Variants in RMDN1 observed in about 807,000 individuals in gnomAD.
The protein encoded by RMDN1 is regulator of microtubule dynamics protein 1.
Under a neutral mutation model 48.9 loss-of-function variants are expected in RMDN1, and 48 were observed. That is an observed-to-expected ratio of 0.98 (90% CI 0.78 to 1.25). RMDN1 has a LOEUF of 1.25. Among genes scored for constraint, RMDN1 ranks in the 50% most tolerant of loss-of-function variants. The probability of loss-of-function intolerance (pLI) is 0.00; values close to 1 mark genes in which losing one functional copy is unlikely to be tolerated. For synonymous variants in RMDN1, 148 were observed against 132.6 expected (o/e 1.12, Z -0.80); for missense variants, 418 against 373.4 (o/e 1.12, Z -0.98).
intron 8 of RMDN1, among the ~76,000 whole-genome samples, chr8:86,475,741 C>T (rs775869275): frequency 1.3e-5 from 2 of 152,180 alleles, no homozygotes; most frequent in Non-Finnish European, 2.9e-5. Context: ...TAATGATTAA[C>T]TCCATTTGCT....
upstream of RMDN1, among the ~76,000 whole-genome samples, chr8:86,513,056 G>GTTT (rs567725662): frequency 7.1e-6 from 1 of 141,238 alleles, no homozygotes; most frequent in African/African-American, 2.6e-5. Flanking sequence ...TCTATTGGGT[G>GTTT]TTTTTTTTTT....
intron 9 of RMDN1, 55 bp from the exon 10 acceptor site, chr8:86,474,413 G>C (rs1813018854): frequency 2.8e-6 from 4 of 1,420,016 alleles, no homozygotes; most frequent in African/African-American, 1.4e-5. Flanking sequence ...AGACTAACTT[G>C]TGAAATTTAA....
chr8:86,480,832 AGTC>A (rs149971795), intron 5 of RMDN1, among the ~76,000 whole-genome samples: 22,530 of 152,000 alleles, frequency 0.15, 1,801 homozygotes, highest in Non-Finnish European at 0.19. Flanking sequence ...ATTTTTAGAA[AGTC>A]TTCTTGTATG....
chr8:86,484,262 T>C (rs780042147), intron 5 of RMDN1, among the ~76,000 whole-genome samples: 7 of 152,028 alleles, frequency 4.6e-5, no homozygotes, highest in Non-Finnish European at 1.0e-4. Flanking sequence ...AACTAAGTGA[T>C]AAAAAAACAA....
chr8:86,508,859 T>C (rs1819875748), upstream of RMDN1: 1 of 1,175,706 alleles, frequency 8.5e-7, no homozygotes, highest in Non-Finnish European at 1.1e-6. Context: ...CGTCCAGGAC[T>C]GAGGCCGTGA....
At chr8:86,504,843 G>A (rs1238814022) in intron 2 of RMDN1, 2 of 1,070,770 alleles carry the variant, frequency 1.9e-6, no homozygotes, top group Non-Finnish European at 2.9e-6. Flanking sequence ...CTTCCCCTCT[G>A]CTGCTTATTA....
At chr8:86,482,404 C>CA (rs1245974254) in intron 5 of RMDN1, 26 of 411,198 alleles carry the variant, frequency 6.3e-5, no homozygotes, top group South Asian at 8.6e-5. Context: ...CTGTCTCAAA[C>CA]AAAAAAAAGA....
intron 2 of RMDN1, among the ~76,000 whole-genome samples, chr8:86,491,510 T>C (rs765475256): frequency 1.3e-5 from 2 of 152,148 alleles, no homozygotes; most frequent in Non-Finnish European, 2.9e-5. Flanking sequence ...ACTCCACATA[T>C]CCGCAAATCA....
At chr8:86,490,091 T>A (rs1402002637) in intron 2 of RMDN1, among the ~76,000 whole-genome samples, 1 of 152,122 alleles carries the variant, frequency 6.6e-6, no homozygotes, top group Non-Finnish European at 1.5e-5. Flanking sequence ...TTTTTCAAAT[T>A]TTGCTTCCAC....
intron 5 of RMDN1, among the ~76,000 whole-genome samples, chr8:86,483,823 T>C (rs1243897154): frequency 2.0e-5 from 3 of 146,670 alleles, no homozygotes; most frequent in African/African-American, 5.2e-5. Context: ...ATTTTTGTGG[T>C]AGTTTTTTTT....
chr8:86,484,392 T>A (rs1374784560), intron 5 of RMDN1, among the ~76,000 whole-genome samples: 1 of 152,180 alleles, frequency 6.6e-6, no homozygotes, highest in African/African-American at 2.4e-5. Context: ...GAAGTGCCAC[T>A]GCGCTCAGTT....
rs1554594088 is a variant in RMDN1, at chr8:86,503,385, A to AAAAAAAACAAAAC, written c.247+3609_247+3610insGTTTTGTTTTTTT. On this transcript the variant is annotated intron_variant, in intron 2 of 9. Transcript: ENST00000406452. ...ACAAAACAAAACAAAAAAAAAAAAA[A>AAAAAAAACAAAAC]AAAACAAAAAAAAATAACAAAAATA... Among the ~76,000 whole-genome samples, 281 of 80,522 alleles carry AAAAAAAACAAAAC rather than the reference A, an allele frequency of 3.5e-3. 2 individuals are homozygous for AAAAAAAACAAAAC. The highest frequency in any genetic ancestry group is 6.6e-3 in the South Asian group (18 of 2,722). 52.8% of individuals were successfully genotyped at this position (80,522 alleles called of 152,430 possible).
At chr8:86,471,782 TA>T (rs1184784870), downstream of RMDN1, among the ~76,000 whole-genome samples, 2 of 152,166 alleles carry the variant, frequency 1.3e-5, no homozygotes, top group East Asian at 3.9e-4. Flanking sequence ...GTCCTGGAAA[TA>T]AGTTGGAACA....
At chr8:86,490,229 A>G (rs1816269137) in intron 2 of RMDN1, among the ~76,000 whole-genome samples, 1 of 152,200 alleles carries the variant, frequency 6.6e-6, no homozygotes. Flanking sequence ...GCCCCCAAAG[A>G]TGCCCCAATC....
At chr8:86,487,671 A>G (rs542473113) in intron 3 of RMDN1, among the ~76,000 whole-genome samples, 143 of 151,108 alleles carry the variant, frequency 9.5e-4, no homozygotes, top group Non-Finnish European at 1.7e-3. Context: ...TTTTTAACAT[A>G]AAAAAAAATT....
intron 2 of RMDN1, among the ~76,000 whole-genome samples, chr8:86,503,377 A>C (rs12549985): frequency 0.34 from 38,644 of 113,366 alleles, 6,736 homozygotes; most frequent in East Asian, 0.53. Context: ...AAAACAAAAA[A>C]AAAAAAAAAA....
chr8:86,468,990 G>A (rs902075945), downstream of RMDN1, among the ~76,000 whole-genome samples: 2 of 152,096 alleles, frequency 1.3e-5, no homozygotes, highest in African/African-American at 4.8e-5. Flanking sequence ...CTCAGAGACA[G>A]GTTTATATTG....
At chr8:86,504,981 G>C in intron 2 of RMDN1, 1 of 1,444,068 alleles carries the variant, frequency 6.9e-7, no homozygotes, top group Non-Finnish European at 9.6e-7. Flanking sequence ...TAAAAGGCAG[G>C]CACATGGTGC....
intron 2 of RMDN1, chr8:86,504,982 C>A: frequency 6.9e-7 from 1 of 1,449,136 alleles, no homozygotes; most frequent in Non-Finnish European, 9.6e-7. Context: ...AAAAGGCAGG[C>A]ACATGGTGCA....
Sources: gnomAD v4.1 joint callset for allele counts (sites outside exome capture counted in the v4.1 genomes callset) on GRCh38, gnomAD v4.1.1 for gene constraint, MANE v1.5 for transcripts, NCBI Gene and HGNC (gene_info 2026-07-23, HGNC 2026-07-21) for gene names.